Variants in PLCZ1 observed in about 807,000 individuals in gnomAD.
The protein encoded by PLCZ1 is 1-phosphatidylinositol 4,5-bisphosphate phosphodiesterase zeta-1.
A neutral mutation model predicts 76.8 loss-of-function variants in PLCZ1; 64 were observed. The observed-to-expected ratio is 0.83, with a 90% CI of 0.68 to 1.03. The LOEUF is 1.03. Among genes scored for constraint, PLCZ1 ranks in the 50% least tolerant of loss-of-function variants. The pLI is 0.00. For missense variants in PLCZ1, 751 were observed against 713.7 expected (o/e 1.05, Z -0.60); for synonymous variants, 248 against 230.8 (o/e 1.07, Z -0.68).
the PLCZ1 span, among the ~76,000 whole-genome samples, chr12:18,659,663 CTTTTTTTTT>C: frequency 7.5e-6 from 1 of 133,826 alleles, no homozygotes; most frequent in Non-Finnish European, 1.6e-5. Flanking sequence ...GTTCTCCATT[CTTTTTTTTT>C]TTTTTTTTAC....
In PLCZ1 at chr12:18,683,466, A is replaced by T; in HGVS notation, c.1742-142T>A. On this transcript the variant is annotated intron_variant, in intron 14 of 14. Coordinates refer to ENST00000266505, the MANE Select transcript of PLCZ1 (RefSeq NM_033123.4). ...GAGTTATATTCCCATCTGGTATATTAATCTTCCACAAAAATTAAATATTTG... is the reference window on the plus strand; with the variant it reads ...GAGTTATATTCCCATCTGGTATATTTATCTTCCACAAAAATTAAATATTTG... The T allele has an allele frequency of 2.8e-6, 4 of 1,451,918 alleles. No individual in the cohort carries two copies. In the South Asian group the frequency reaches 4.9e-5, roughly 18 times the overall value. The allele number at this position is 1,451,918 out of a possible 1,614,324, so 89.9% of individuals were successfully genotyped here.
At chr12:18,693,072 G>A (rs577404021) in intron 12 of PLCZ1, 303 of 1,493,000 alleles carry the variant, frequency 2.0e-4, no homozygotes, top group Admixed American at 1.2e-4. Flanking sequence ...AAGATCAAAA[G>A]TGGATGATCT....
chr12:18,685,790 C>T (rs1354913833), intron 13 of PLCZ1: 2 of 349,744 alleles, frequency 5.7e-6, no homozygotes, highest in Admixed American at 5.9e-5. Flanking sequence ...TACACATGTG[C>T]CTCTGCCTCC....
the PLCZ1 span, among the ~76,000 whole-genome samples, chr12:18,646,815 A>G: frequency 1.3e-5 from 2 of 152,252 alleles, no homozygotes; most frequent in East Asian, 3.9e-4. Context: ...TCTTAGCGGT[A>G]CTATGCCTTT....
the PLCZ1 span, chr12:18,648,000 G>C: frequency 6.3e-7 from 1 of 1,597,602 alleles, no homozygotes; most frequent in Admixed American, 1.7e-5. Context: ...AAAGAAAAAT[G>C]GTATCCATTA....
chr12:18,681,283 G>T (rs1002856636), downstream of PLCZ1, among the ~76,000 whole-genome samples: 13 of 151,992 alleles, frequency 8.6e-5, no homozygotes, highest in African/African-American at 3.1e-4. Context: ...GCAGAACACG[G>T]ATGGCTTCCC....
chr12:18,708,286 T>C (rs1956869827), intron 6 of PLCZ1, among the ~76,000 whole-genome samples: 1 of 152,208 alleles, frequency 6.6e-6, no homozygotes, highest in Non-Finnish European at 1.5e-5. Context: ...TTTCTTTCTG[T>C]GTCTGGCTTA....
the PLCZ1 span, among the ~76,000 whole-genome samples, chr12:18,669,279 C>T: frequency 6.6e-6 from 1 of 152,170 alleles, no homozygotes; most frequent in African/African-American, 2.4e-5. Flanking sequence ...ATCCTCTTAA[C>T]CACTGCACTA....
At chr12:18,693,588 T>G in intron 12 of PLCZ1, 1 of 1,591,516 alleles carries the variant, frequency 6.3e-7, no homozygotes. Flanking sequence ...CGGGAATTGT[T>G]TCGAGTTGCT....
At chr12:18,655,920 C>G in the PLCZ1 span, among the ~76,000 whole-genome samples, 1 of 152,174 alleles carries the variant, frequency 6.6e-6, no homozygotes, top group African/African-American at 2.4e-5. Context: ...AATGTGGTAC[C>G]CTGGATGGGA....
intron 5 of PLCZ1, chr12:18,715,943 T>C (rs1031544550): frequency 6.6e-6 from 1 of 152,172 alleles, no homozygotes; most frequent in Non-Finnish European, 1.5e-5. Flanking sequence ...AGAATATTCA[T>C]AGAGAAATCT....
chr12:18,719,192 G>A (rs1958286327), intron 5 of PLCZ1, among the ~76,000 whole-genome samples: 2 of 152,224 alleles, frequency 1.3e-5, no homozygotes, highest in East Asian at 1.9e-4. Context: ...ATGGAGAGGA[G>A]GTTAACAGGT....
rs1197932872 is a variant in PLCZ1, at chr12:18,684,290, A to T, written c.1592-11T>A. 1 of 1,591,592 alleles carries T rather than the reference A, an allele frequency of 6.3e-7. No homozygotes were observed. Among genetic ancestry groups the T allele is most frequent in the African/African-American group, 1.3e-5 (1 of 74,304 alleles). On this transcript the variant is annotated splice_polypyrimidine_tract_variant and intron_variant, in intron 13 of 14. Transcript: ENST00000266505. ...ATCTTGGACTAAAAGCTGAAATATAAAAAAAGAAGATACAAAGAATAATAG... is the reference window on the plus strand; with the variant it reads ...ATCTTGGACTAAAAGCTGAAATATATAAAAAGAAGATACAAAGAATAATAG...
chr12:18,708,685 T>C (rs1956926428), intron 6 of PLCZ1, among the ~76,000 whole-genome samples: 1 of 152,164 alleles, frequency 6.6e-6, no homozygotes, highest in Admixed American at 6.5e-5. Flanking sequence ...ATTTGACTTT[T>C]TGATGAGACC....
chr12:18,719,075 C>T (rs936710333), intron 5 of PLCZ1, among the ~76,000 whole-genome samples: 22 of 152,150 alleles, frequency 1.4e-4, no homozygotes, highest in African/African-American at 4.6e-4. Context: ...TTTAACCATA[C>T]TTATTAAAAT....
At chr12:18,714,346 G>A (rs1369292197) in intron 5 of PLCZ1, among the ~76,000 whole-genome samples, 8 of 152,176 alleles carry the variant, frequency 5.3e-5, no homozygotes, top group African/African-American at 1.9e-4. Context: ...GCAATGGTTA[G>A]TGCTGTTTCT....
intron 4 of PLCZ1, 28 bp downstream of exon 4, chr12:18,723,283 C>T (rs1051942406): frequency 6.4e-7 from 1 of 1,561,154 alleles, no homozygotes; most frequent in Non-Finnish European, 8.8e-7. Context: ...TATAAATATT[C>T]CGATAAAAGT....
the PLCZ1 span, among the ~76,000 whole-genome samples, chr12:18,667,859 A>G: frequency 6.6e-6 from 1 of 152,288 alleles, no homozygotes; most frequent in Non-Finnish European, 1.5e-5. Flanking sequence ...TGCCTTCTTA[A>G]GAGGAGAGAT....
At chr12:18,700,512 C>CAAAAAAAAAAGA (rs1955741153) in intron 9 of PLCZ1, among the ~76,000 whole-genome samples, 1 of 67,896 alleles carries the variant, frequency 1.5e-5, no homozygotes, top group Non-Finnish European at 2.5e-5. Flanking sequence ...AGCCAACGTA[C>CAAAAAAAAAAGA]AAAAAAAAAA....
Sources: allele counts gnomAD v4.1 joint callset (sites outside exome capture counted in the v4.1 genomes callset), GRCh38; gene constraint gnomAD v4.1.1; transcripts MANE v1.5; gene names NCBI Gene and HGNC (gene_info 2026-07-23, HGNC 2026-07-21).